PIGB: variants seen among roughly 807,000 people sequenced by gnomAD.
PIGB encodes GPI alpha-1,2-mannosyltransferase 3.
In PIGB, 58 loss-of-function variants were observed where a neutral mutation model predicts 68.4. The observed-to-expected ratio is 0.85, with a 90% CI of 0.69 to 1.06. PIGB has a LOEUF of 1.06. PIGB is among the 50% of genes least tolerant of loss of function. The pLI, the probability that PIGB is intolerant of heterozygous loss-of-function variation, is 0.00. For missense variants in PIGB, 634 were observed against 655.8 expected (o/e 0.97, Z 0.36); for synonymous variants, 219 against 220.5 (o/e 0.99, Z 0.06).
chr15:55,338,274 G>A (rs575643276), intron 6 of PIGB, among the ~76,000 whole-genome samples: 1 of 152,238 alleles, frequency 6.6e-6, no homozygotes, highest in African/African-American at 2.4e-5. Context: ...TTGAACATGG[G>A]CTAGATTTGT....
intron 9 of PIGB, among the ~76,000 whole-genome samples, chr15:55,344,890 CTTT>C (rs1164109873): frequency 5.1e-5 from 5 of 98,902 alleles, no homozygotes; most frequent in African/African-American, 2.1e-4. Flanking sequence ...ATATTCTTAT[CTTT>C]TTTTTTTTTT....
chr15:55,324,220 C>T (rs2055229235), intron 3 of PIGB, among the ~76,000 whole-genome samples: 1 of 152,128 alleles, frequency 6.6e-6, no homozygotes, highest in African/African-American at 2.4e-5. Flanking sequence ...TATTTGGCTC[C>T]TGTAGCTTAG....
At chr15:55,328,689 C>T (rs1052063670) in intron 4 of PIGB, among the ~76,000 whole-genome samples, 1 of 152,150 alleles carries the variant, frequency 6.6e-6, no homozygotes, top group Non-Finnish European at 1.5e-5. Flanking sequence ...GCACTAGGGC[C>T]GGGCATGGTG....
At chr15:55,338,292 A>T (rs1047029185) in intron 6 of PIGB, among the ~76,000 whole-genome samples, 3 of 152,216 alleles carry the variant, frequency 2.0e-5, no homozygotes, top group Non-Finnish European at 4.4e-5. Context: ...TGTCGACTCA[A>T]TTCTAATGAG....
At chr15:55,354,296 G>A (rs907218051) in intron 10 of PIGB, among the ~76,000 whole-genome samples, 6 of 151,114 alleles carry the variant, frequency 4.0e-5, no homozygotes, top group African/African-American at 7.3e-5. Flanking sequence ...TGACGAGAGC[G>A]AAACTCTTGT....
At chr15:55,341,698 G>T (rs1305191458) in intron 8 of PIGB, 40 bp from the exon 9 acceptor site, 2 of 789,164 alleles carry the variant, frequency 2.5e-6, no homozygotes, top group African/African-American at 1.8e-5. Flanking sequence ...CATATAACAT[G>T]ATAATTAATA....
At chr15:55,344,561 C>T (rs1272495269) in intron 9 of PIGB, among the ~76,000 whole-genome samples, 3 of 152,214 alleles carry the variant, frequency 2.0e-5, no homozygotes, top group Non-Finnish European at 4.4e-5. Flanking sequence ...ATAATTGCAG[C>T]AGTTTTTTCA....
At chr15:55,342,962 G>A (rs1307104442) in intron 9 of PIGB, among the ~76,000 whole-genome samples, 3 of 151,916 alleles carry the variant, frequency 2.0e-5, no homozygotes, top group Non-Finnish European at 4.4e-5. Flanking sequence ...GAGAAGAAAT[G>A]ACTAGCCAAC....
At chr15:55,351,619 C>G (rs1428415287) in intron 10 of PIGB, 1 of 151,644 alleles carries the variant, frequency 6.6e-6, no homozygotes, top group African/African-American at 2.4e-5. Context: ...CGCCTGTAAT[C>G]CCAGTACTTT....
At chr15:55,336,171 C>G (rs1055632051) in intron 6 of PIGB, among the ~76,000 whole-genome samples, 6 of 152,058 alleles carry the variant, frequency 3.9e-5, no homozygotes, top group African/African-American at 9.7e-5. Context: ...CCTGGGAGAC[C>G]AGGAGTTCAA....
chr15:55,343,574 G>A (rs1477425985), intron 9 of PIGB: 1 of 152,170 alleles, frequency 6.6e-6, no homozygotes, highest in Non-Finnish European at 1.5e-5. Context: ...TGAGTTGTCT[G>A]AATCCTCATT....
chr15:55,354,915 TAG>T lies in PIGB; in HGVS notation c.1460_1461del (p.Glu487ValfsTer3), dbSNP rs747995107. ...FYLNPLNWLH[R>X]EFHDDASLPT... ...ACCTAAATCCCTTAAACTGGTTACA[TAG>T]AGAGTTTCATGATGATGCATCATTG... On this transcript the variant is annotated frameshift_variant, in exon 11 of 12. Coordinates refer to ENST00000164305, the MANE Select transcript of PIGB (RefSeq NM_004855.5). LOFTEE classifies it high-confidence loss of function. The T allele has an allele frequency of 6.2e-6, 10 of 1,613,344 alleles. No homozygotes were observed. Among genetic ancestry groups the T allele is most frequent in the South Asian group, 1.1e-5 (1 of 90,970 alleles).
intron 11 of PIGB, 28 bp from the exon 12 acceptor site, chr15:55,355,258 A>G: frequency 1.9e-6 from 3 of 1,569,814 alleles, no homozygotes; most frequent in Non-Finnish European, 2.6e-6. Flanking sequence ...TGTAGCCTTT[A>G]TTTACTTAAA....
At position 55,329,935 on chromosome 15, in the gene PIGB, G is replaced by GT. The variant is rs1566950093; in HGVS notation, c.653+82dup. ...AAATATCAACATATTGTAATGTCTA[G>GT]TAGACCCCCTAATTTTCATGAGTCA... On this transcript the variant is annotated intron_variant, in intron 5 of 11. Coordinates refer to ENST00000164305, the MANE Select transcript of PIGB (RefSeq NM_004855.5). The GT allele has an allele frequency of 7.1e-6, 7 of 980,980 alleles. No homozygotes were observed. The East Asian group carries it at 1.8e-4, about 25-fold the overall frequency. The allele number at this position is 980,980 out of a possible 1,614,324, so 60.8% of individuals were successfully genotyped here.
At chr15:55,340,002 A>AC (rs1226503866) in intron 7 of PIGB, 3 of 152,232 alleles carry the variant, frequency 2.0e-5, no homozygotes, top group African/African-American at 4.8e-5. Context: ...AGCCATCTGT[A>AC]CCCCAAAAAC....
intron 7 of PIGB, chr15:55,340,320 G>C (rs906116095): frequency 2.9e-5 from 5 of 172,830 alleles, no homozygotes; most frequent in Non-Finnish European, 6.1e-5. Flanking sequence ...GCCGGGCGTG[G>C]TAGCGGGCGC....
chr15:55,343,684 C>T (rs1429415638), intron 9 of PIGB: 6 of 152,116 alleles, frequency 3.9e-5, no homozygotes, highest in Non-Finnish European at 8.8e-5. Context: ...TAAAGAGAGC[C>T]CCTTCTAATA....
chr15:55,348,568 T>A (rs137895408), intron 9 of PIGB: 1 of 154,866 alleles, frequency 6.5e-6, no homozygotes, highest in African/African-American at 2.4e-5. Context: ...TCCATGAGAG[T>A]TCCCCCGAGT....
chr15:55,319,614 A>G (rs1280975176), intron 1 of PIGB: 1 of 503,690 alleles, frequency 2.0e-6, no homozygotes, highest in Admixed American at 3.5e-5. Flanking sequence ...TTTAAAAAAT[A>G]CTCTGTATTT....
Sources: gnomAD v4.1 joint callset for allele counts (sites outside exome capture counted in the v4.1 genomes callset) on GRCh38, gnomAD v4.1.1 for gene constraint, MANE v1.5 for transcripts, NCBI Gene and HGNC (gene_info 2026-07-23, HGNC 2026-07-21) for gene names.